Variants in MTUS2 observed in about 807,000 individuals in gnomAD.
MTUS2 encodes microtubule-associated tumor suppressor candidate 2.
Under a neutral mutation model 114.1 loss-of-function variants are expected in MTUS2, and 40 were observed. The observed-to-expected ratio is 0.35, with a 90% CI of 0.27 to 0.46. MTUS2 has a LOEUF of 0.46. Among genes scored for constraint, MTUS2 ranks in the 20% least tolerant of loss-of-function variants. The probability of loss-of-function intolerance (pLI) is 1.00; values close to 1 mark genes in which losing one functional copy is unlikely to be tolerated. For synonymous variants in MTUS2, 688 were observed against 672.0 expected (o/e 1.02, Z -0.37); for missense variants, 1,679 against 1,705.4 (o/e 0.98, Z 0.27).
rs1881768594 is a variant in MTUS2 at position 29,488,118 on chromosome 13, C to CCTCCTTTCCTGTCTTTG, written c.3505+114_3505+115insTCCTTTCCTGTCTTTGC. ...CTCTTGTCCCTCCTTTCCTGTCTTT[C>CCTCCTTTCCTGTCTTTG]CCTCCTGGTGCATTTTTTCCTGTTG... On this transcript the variant is annotated intron_variant, in intron 11 of 15. Transcript: ENST00000612955. 3.8e-6 allele frequency: 3 copies of CCTCCTTTCCTGTCTTTG among 795,302 alleles called. No homozygotes were observed. The East Asian group carries it at 7.9e-5, about 21-fold the overall frequency. 49.3% of individuals were successfully genotyped at this position (795,302 alleles called of 1,614,324 possible).
At chr13:29,421,352 A>G (rs879823995) in intron 8 of MTUS2, among the ~76,000 whole-genome samples, 3 of 152,200 alleles carry the variant, frequency 2.0e-5, no homozygotes, top group Non-Finnish European at 4.4e-5. Flanking sequence ...GAGGAACCCA[A>G]ATAAACAGAT....
rs372716968 is a variant in MTUS2 at position 29,039,840 on chromosome 13, A to G, written c.2446+5715A>G. On this transcript the variant is annotated intron_variant, in intron 4 of 15. Coordinates refer to ENST00000612955, the MANE Select transcript of MTUS2 (RefSeq NM_001033602.4). ...TGCTGTTAAGAAAATGGAGTCATCA[A>G]GTTTTGTTTTAGCACAGGCAATGTT... Among the ~76,000 whole-genome samples, 225 of 152,330 alleles carry G rather than the reference A, an allele frequency of 1.5e-3. 1 individual carries two copies. Among genetic ancestry groups the G allele is most frequent in the African/African-American group, 5.1e-3 (211 of 41,570 alleles).
At chr13:28,840,549 A>G (rs1422586920) in intron 2 of MTUS2, among the ~76,000 whole-genome samples, 1 of 152,260 alleles carries the variant, frequency 6.6e-6, no homozygotes, top group Admixed American at 6.5e-5. Context: ...AATATGAATA[A>G]TCAAATTACC....
chr13:29,394,007 G>C (rs1295298023), intron 8 of MTUS2, among the ~76,000 whole-genome samples: 1 of 152,170 alleles, frequency 6.6e-6, no homozygotes, highest in Non-Finnish European at 1.5e-5. Flanking sequence ...GCCCTAAACA[G>C]TTTTCAGCTT....
At chr13:28,977,193 A>G (rs1477942024) in intron 2 of MTUS2, among the ~76,000 whole-genome samples, 1 of 152,032 alleles carries the variant, frequency 6.6e-6, no homozygotes, top group East Asian at 1.9e-4. Context: ...TTGTAGATAC[A>G]TTTTTCACAG....
chr13:28,979,957 A>G (rs1884282775), intron 2 of MTUS2, among the ~76,000 whole-genome samples: 2 of 152,212 alleles, frequency 1.3e-5, no homozygotes, highest in African/African-American at 4.8e-5. Context: ...CATAACACCC[A>G]GAAGAGAATT....
intron 6 of MTUS2, among the ~76,000 whole-genome samples, chr13:29,301,734 T>C (rs1441238603): frequency 6.6e-6 from 1 of 152,262 alleles, no homozygotes; most frequent in African/African-American, 2.4e-5. Flanking sequence ...ACAGTGCGTA[T>C]AATCCATAGG....
intron 9 of MTUS2, among the ~76,000 whole-genome samples, chr13:29,458,065 G>A (rs1879245148): frequency 6.6e-6 from 1 of 152,102 alleles, no homozygotes; most frequent in African/African-American, 2.4e-5. Flanking sequence ...CACTTTTTAT[G>A]TGACAACTGG....
At chr13:29,196,028 G>A (rs927982998) in intron 5 of MTUS2, among the ~76,000 whole-genome samples, 4 of 152,052 alleles carry the variant, frequency 2.6e-5, no homozygotes, top group African/African-American at 7.3e-5. Context: ...GATTTGAGAG[G>A]TGCAAGCCCA....
At chr13:29,214,346 T>G (rs924984623) in intron 5 of MTUS2, among the ~76,000 whole-genome samples, 1 of 152,236 alleles carries the variant, frequency 6.6e-6, no homozygotes, top group African/African-American at 2.4e-5. Flanking sequence ...ATTGGGGCAT[T>G]TAGCCAGTTT....
chr13:29,335,078 G>A (rs1217194534), intron 7 of MTUS2, among the ~76,000 whole-genome samples: 1 of 152,180 alleles, frequency 6.6e-6, no homozygotes, highest in East Asian at 1.9e-4. Context: ...GGCTGCCTGT[G>A]GGCCAGGCGG....
intron 2 of MTUS2, among the ~76,000 whole-genome samples, chr13:28,935,205 A>C (rs957903550): frequency 1.3e-5 from 2 of 152,032 alleles, no homozygotes; most frequent in African/African-American, 4.8e-5. Flanking sequence ...TCTACTGTTT[A>C]GGGACATTCG....
intron 6 of MTUS2, among the ~76,000 whole-genome samples, chr13:29,285,984 G>A (rs762615841): frequency 1.4e-4 from 22 of 152,208 alleles, no homozygotes; most frequent in Admixed American, 1.2e-3. Flanking sequence ...GGAATGCAGT[G>A]GCGTGATCTT....
intron 3 of MTUS2, among the ~76,000 whole-genome samples, chr13:29,032,247 G>A (rs1006127296): frequency 1.4e-4 from 22 of 152,126 alleles, no homozygotes; most frequent in African/African-American, 5.3e-4. Flanking sequence ...CAAAATGACA[G>A]GCATTGAAGT....
chr13:29,228,682 G>T (rs1465555554), intron 5 of MTUS2, among the ~76,000 whole-genome samples: 1 of 152,092 alleles, frequency 6.6e-6, no homozygotes, highest in Non-Finnish European at 1.5e-5. Context: ...AACTCACCAG[G>T]TTGTCTGAGG....
At chr13:29,215,745 G>C (rs945573107) in intron 5 of MTUS2, among the ~76,000 whole-genome samples, 5 of 152,186 alleles carry the variant, frequency 3.3e-5, no homozygotes, top group African/African-American at 1.2e-4. Context: ...TCCTTCCTCT[G>C]GAAGCTTCAT....
At chr13:29,092,907 T>C (rs1419342474) in intron 4 of MTUS2, among the ~76,000 whole-genome samples, 2 of 152,314 alleles carry the variant, frequency 1.3e-5, no homozygotes, top group African/African-American at 4.8e-5. Context: ...AAGGAAAGAA[T>C]GCTGGCTCAG....
intron 5 of MTUS2, among the ~76,000 whole-genome samples, chr13:29,174,693 CAT>C (rs1476171346): frequency 6.6e-6 from 1 of 152,160 alleles, no homozygotes; most frequent in East Asian, 1.9e-4. Context: ...ATAATACCAA[CAT>C]AGTCCATACC....
At chr13:29,304,582 A>G (rs926181764) in intron 6 of MTUS2, among the ~76,000 whole-genome samples, 1 of 152,226 alleles carries the variant, frequency 6.6e-6, no homozygotes, top group Non-Finnish European at 1.5e-5. Context: ...CAACAAGAAG[A>G]GCTAACTATT....
Sources: gnomAD v4.1 joint callset for allele counts (sites outside exome capture counted in the v4.1 genomes callset) on GRCh38, gnomAD v4.1.1 for gene constraint, MANE v1.5 for transcripts, NCBI Gene and HGNC (gene_info 2026-07-23, HGNC 2026-07-21) for gene names.